UBE2L6: variants seen among roughly 807,000 people sequenced by gnomAD.
UBE2L6 encodes the protein ubiquitin/ISG15-conjugating enzyme E2 L6.
A neutral mutation model predicts 13.6 loss-of-function variants in UBE2L6; 11 were observed. That is an observed-to-expected ratio of 0.81 (90% confidence interval 0.51 to 1.34). The LOEUF (loss-of-function observed/expected upper bound fraction) is 1.34, where lower values mean the gene tolerates loss of function less well. UBE2L6 is among the 40% of genes most tolerant of loss of function. The pLI is 0.00. For synonymous variants in UBE2L6, 74 were observed against 83.2 expected, an observed-to-expected ratio of 0.89 and a Z score of 0.60; for missense variants, 197 against 199.5, an observed-to-expected ratio of 0.99 and a Z score of 0.07.
intron 2 of UBE2L6, among the ~76,000 whole-genome samples, chr11:57,555,728 C>G (rs1317395654): frequency 2.0e-5 from 3 of 152,138 alleles, no homozygotes; most frequent in East Asian, 1.9e-4. Flanking sequence ...AGGGGCCCAC[C>G]ACCATATCTG....
At position 57,552,510 on chromosome 11, in the gene UBE2L6, C is replaced by A. The variant is rs1191908004; in HGVS notation, c.311-1G>T. ...ACCAGCACATTGAGGGCCTCCAGGA[C>A]TGGGGAGAGACAGGCCAGATCAGGA... On this transcript the variant is annotated splice_acceptor_variant, in intron 3 of 3. Transcript: ENST00000287156. LOFTEE classifies it high-confidence loss of function. 1 of 1,614,020 alleles carries A rather than the reference C, an allele frequency of 6.2e-7. No individual in the cohort carries two copies. Among genetic ancestry groups the A allele is most frequent in the African/African-American group, 1.3e-5 (1 of 74,912 alleles).
intron 2 of UBE2L6, among the ~76,000 whole-genome samples, chr11:57,558,716 T>C (rs1319269484): frequency 6.6e-6 from 1 of 152,254 alleles, no homozygotes; most frequent in African/African-American, 2.4e-5. Flanking sequence ...GGGGCCACTT[T>C]GGTGAACACA....
chr11:57,557,756 C>T (rs1481019207), intron 2 of UBE2L6, among the ~76,000 whole-genome samples: 1 of 152,192 alleles, frequency 6.6e-6, no homozygotes, highest in Non-Finnish European at 1.5e-5. Context: ...TTATATATTA[C>T]TCAGCCTCGG....
intron 1 of UBE2L6, among the ~76,000 whole-genome samples, chr11:57,562,242 G>C (rs1474978571): frequency 6.6e-6 from 1 of 152,206 alleles, no homozygotes; most frequent in African/African-American, 2.4e-5. Flanking sequence ...CCTATATCTG[G>C]GGAAAAGGGA....
intron 2 of UBE2L6, among the ~76,000 whole-genome samples, chr11:57,555,162 A>G (rs371102484): frequency 6.6e-6 from 1 of 152,250 alleles, no homozygotes; most frequent in Non-Finnish European, 1.5e-5. Context: ...ACTTCTGGGT[A>G]GACACCCAAA....
At chr11:57,563,789 C>T (rs1369704820) in intron 1 of UBE2L6, among the ~76,000 whole-genome samples, 1 of 150,830 alleles carries the variant, frequency 6.6e-6, no homozygotes, top group Non-Finnish European at 1.5e-5. Flanking sequence ...GTAGTCCCAG[C>T]TACTCAGGAG....
rs1376428847 is a variant in UBE2L6, at chr11:57,552,364, G to A, written c.456C>T (p.Pro152=). 4 of 1,614,176 alleles carry A rather than the reference G, an allele frequency of 2.5e-6. No individual in the cohort carries two copies. In the South Asian group the frequency reaches 4.4e-5, roughly 18 times the overall value. ...CAGAGGGTCAGAACATGAGTTAGGA[G>A]GGCCGGTCCACTCCGAATCGGAGGG... The part of the protein sequence containing the change: ...EFTLRFGVDR[P]S Residue 152 remains proline (P), a synonymous_variant, in exon 4 of 4, where the codon CCC becomes CCT. Transcript: ENST00000287156.
rs958891525 is a variant in UBE2L6 at position 57,566,958 on chromosome 11, C to G, written c.27+627G>C. On this transcript the variant is annotated intron_variant, in intron 1 of 3. Coordinates refer to ENST00000287156, the MANE Select transcript of UBE2L6 (RefSeq NM_004223.5). ...GTTCATCTCTGCCCGCCCCCCCCCCCCTCCTAGAACAGGGCCAGCACATGT... is the reference window on the plus strand; with the variant it reads ...GTTCATCTCTGCCCGCCCCCCCCCCGCTCCTAGAACAGGGCCAGCACATGT... 896 of 194,832 alleles carry G rather than the reference C, an allele frequency of 4.6e-3. 18 individuals are homozygous for G. Among genetic ancestry groups the G allele is most frequent in the African/African-American group, 0.034 (807 of 23,530 alleles). 12.1% of individuals were successfully genotyped at this position (194,832 alleles called of 1,614,324 possible).
At chr11:57,553,428 A>T (rs1233528928) in intron 3 of UBE2L6, among the ~76,000 whole-genome samples, 1 of 152,252 alleles carries the variant, frequency 6.6e-6, no homozygotes, top group African/African-American at 2.4e-5. Flanking sequence ...CAGGAGGTGG[A>T]GGTTGCAGTG....
chr11:57,565,007 C>A (rs1409120307), intron 1 of UBE2L6, among the ~76,000 whole-genome samples: 1 of 151,970 alleles, frequency 6.6e-6, no homozygotes, highest in Non-Finnish European at 1.5e-5. Context: ...CTTTGGGAGG[C>A]TGAGGTGGGT....
chr11:57,552,610 A>G (rs1466826073), intron 3 of UBE2L6, 101 bp from the exon 4 acceptor site: 1 of 1,458,100 alleles, frequency 6.9e-7, no homozygotes, highest in Non-Finnish European at 9.4e-7. Flanking sequence ...TCCTTGGGGG[A>G]AAGGTTACAT....
intron 3 of UBE2L6, among the ~76,000 whole-genome samples, chr11:57,553,833 A>G (rs762728796): frequency 1.3e-4 from 20 of 152,198 alleles, no homozygotes; most frequent in Non-Finnish European, 2.6e-4. Context: ...CTTAAAAAAG[A>G]AAAAGAATTG....
chr11:57,567,572 T>TA lies in UBE2L6; in HGVS notation c.27+12dup. 1 of 1,606,856 alleles carries TA rather than the reference T, an allele frequency of 6.2e-7. No individual in the cohort carries two copies. The highest frequency in any genetic ancestry group is 1.1e-5 in the South Asian group (1 of 88,854). On this transcript the variant is annotated intron_variant, in intron 1 of 3. Transcript: ENST00000287156. The stretch of plus-strand genomic sequence containing the variant: ...GGGAGCCAAGAGAAAGGGGTCATCC[T>TA]ATACGCGGTTACCTTCACCACTCGC...
intron 2 of UBE2L6, 55 bp from the exon 3 acceptor site, chr11:57,554,678 C>A: frequency 6.2e-7 from 1 of 1,602,778 alleles, no homozygotes; most frequent in Admixed American, 1.7e-5. Flanking sequence ...CCTTCCTGCC[C>A]CAATCCGAGG....
In UBE2L6 at chr11:57,552,101, ACTCCCTTGG is replaced by A; in HGVS notation, c.*248_*256del. ...AACTGGCCTGTAACTGCAAACTTAA[ACTCCCTTGG>A]CTCTGGGGAATGTAAAGGGTGTGGG... On this transcript the variant is annotated 3_prime_UTR_variant, in exon 4 of 4. Transcript: ENST00000287156. The A allele has an allele frequency of 2.2e-6, 1 of 452,670 alleles. No homozygotes were observed. The highest frequency in any genetic ancestry group is 4.2e-5 in the East Asian group (1 of 23,994). The allele number at this position is 452,670 out of a possible 1,614,324, so 28.0% of individuals were successfully genotyped here. A position where few individuals can be genotyped will look rare whatever the true frequency, so the allele number is the denominator to read the frequency against.
At chr11:57,567,475 C>T in intron 1 of UBE2L6, 110 bp downstream of exon 1, 2 of 1,469,254 alleles carry the variant, frequency 1.4e-6, no homozygotes, top group Admixed American at 2.0e-5. Context: ...AGCCCTGGTG[C>T]CCAGACAAAT....
intron 1 of UBE2L6, 184 bp from the exon 2 acceptor site, chr11:57,560,616 CTTTTTTCTTTTTTTTT>C (rs1945034904): frequency 2.1e-6 from 1 of 486,754 alleles, no homozygotes; most frequent in Non-Finnish European, 3.6e-6. Flanking sequence ...GGTGCTTTTT[CTTTTTTCTTTTTTTTT>C]TTTTTTGAGA....
At chr11:57,554,035 C>A (rs1454261730) in intron 3 of UBE2L6, among the ~76,000 whole-genome samples, 1 of 152,106 alleles carries the variant, frequency 6.6e-6, no homozygotes, top group Non-Finnish European at 1.5e-5. Flanking sequence ...TAGCACAGTG[C>A]CGAAAGTGCT....
rs559455811 is a variant in UBE2L6, at chr11:57,562,995, A to T, written c.28-2563T>A. ...AGGAAAACACAGCCTCACCAAACGAACTAAATAAGGCACACAGGGCCAATT... is the reference window on the plus strand; with the variant it reads ...AGGAAAACACAGCCTCACCAAACGATCTAAATAAGGCACACAGGGCCAATT... On this transcript the variant is annotated intron_variant, in intron 1 of 3. Transcript: ENST00000287156. Among the ~76,000 whole-genome samples the T allele has an allele frequency of 1.6e-4, 24 of 152,318 alleles. No homozygotes were observed. The East Asian group carries it at 4.4e-3, about 28-fold the overall frequency.
Sources: allele counts gnomAD v4.1 joint callset (sites outside exome capture counted in the v4.1 genomes callset), GRCh38; gene constraint gnomAD v4.1.1; transcripts MANE v1.5; gene names NCBI Gene and HGNC (gene_info 2026-07-23, HGNC 2026-07-21).